Variants in TSHZ2 observed in about 807,000 individuals in gnomAD.
The protein encoded by TSHZ2 is teashirt homolog 2.
In TSHZ2, 21 loss-of-function variants were observed where a neutral mutation model predicts 74.4. The observed-to-expected ratio is 0.28, with a 90% CI of 0.20 to 0.41. The LOEUF (loss-of-function observed/expected upper bound fraction) is 0.41, where lower values mean the gene tolerates loss of function less well. TSHZ2 is among the 10% of genes least tolerant of loss of function. The pLI is 1.00. For missense variants in TSHZ2, 1,244 were observed against 1,293.5 expected (o/e 0.96, Z 0.59); for synonymous variants, 540 against 515.3 (o/e 1.05, Z -0.65).
chr20:53,134,357 A>G (rs1453641442), intron 1 of TSHZ2, among the ~76,000 whole-genome samples: 1 of 152,240 alleles, frequency 6.6e-6, no homozygotes, highest in African/African-American at 2.4e-5. Flanking sequence ...GTGTTGAGAT[A>G]TTGAAAGGTT....
At chr20:53,469,045 T>TTTTATA (rs1415631017) in intron 2 of TSHZ2, among the ~76,000 whole-genome samples, 47 of 49,126 alleles carry the variant, frequency 9.6e-4, no homozygotes, top group South Asian at 4.9e-3. Flanking sequence ...AATCGATATT[T>TTTTATA]TATATATATA....
At position 53,254,012 on chromosome 20, in the gene TSHZ2, C is replaced by G. The variant is rs535722679; in HGVS notation, c.554C>G (p.Ser185Cys). ...CTGCAGCAGAACTTGCCTTCTCGGT[C>G]CGTCTCGAAACCCAGCCTGTTCAGC... ...KSLQQNLPSRSVSKPSLFSSV... is the reference protein window; with the variant it reads ...KSLQQNLPSRCVSKPSLFSSV... Residue 185 changes from serine (S) to cysteine (C), a missense_variant, in exon 2 of 3, where the codon TCC (serine) becomes TGC (cysteine). Ser to Cys is a moderately radical substitution (Grantham distance 112). Coordinates refer to ENST00000371497, the MANE Select transcript of TSHZ2 (RefSeq NM_173485.6). 6.2e-7 allele frequency: 1 copy of G among 1,614,144 alleles called. No individual in the cohort carries two copies. Among genetic ancestry groups the G allele is most frequent in the Non-Finnish European group, 8.5e-7 (1 of 1,180,024 alleles).
At chr20:53,483,949 A>C (rs185435454) in intron 2 of TSHZ2, among the ~76,000 whole-genome samples, 236 of 152,344 alleles carry the variant, frequency 1.5e-3, no homozygotes, top group African/African-American at 5.3e-3. Context: ...ATGGTCAAAG[A>C]GGAGAAAATG....
chr20:53,381,251 T>C (rs985970173), intron 2 of TSHZ2, among the ~76,000 whole-genome samples: 3 of 152,242 alleles, frequency 2.0e-5, no homozygotes, highest in Non-Finnish European at 2.9e-5. Context: ...TCACTCACTT[T>C]AGCAGTTCTA....
At chr20:52,994,099 G>A (rs1291183494) in intron 1 of TSHZ2, among the ~76,000 whole-genome samples, 1 of 152,246 alleles carries the variant, frequency 6.6e-6, no homozygotes, top group Non-Finnish European at 1.5e-5. Context: ...ATGTGTATTT[G>A]AGAGTCTGCC....
chr20:53,000,096 A>G (rs1204764330), intron 1 of TSHZ2, among the ~76,000 whole-genome samples: 1 of 152,246 alleles, frequency 6.6e-6, no homozygotes, highest in Admixed American at 6.5e-5. Flanking sequence ...CATTATAGAC[A>G]TTTCAGAGAA....
At chr20:53,431,178 G>T (rs1346209503) in intron 2 of TSHZ2, among the ~76,000 whole-genome samples, 1 of 152,104 alleles carries the variant, frequency 6.6e-6, no homozygotes, top group East Asian at 1.9e-4. Context: ...AAGGCACTTA[G>T]GGCTGGGTGC....
chr20:53,370,006 T>C (rs1368990628), intron 2 of TSHZ2, among the ~76,000 whole-genome samples: 1 of 152,062 alleles, frequency 6.6e-6, no homozygotes, highest in Non-Finnish European at 1.5e-5. Flanking sequence ...ATCTGTGAAA[T>C]CCAGAAGTCT....
intron 1 of TSHZ2, among the ~76,000 whole-genome samples, chr20:53,138,583 C>G (rs1027023036): frequency 5.3e-5 from 8 of 152,094 alleles, no homozygotes; most frequent in African/African-American, 1.9e-4. Flanking sequence ...CCTCCACCCC[C>G]CAACCCCTGC....
intron 1 of TSHZ2, among the ~76,000 whole-genome samples, chr20:53,023,872 T>G (rs763531413): frequency 2.0e-5 from 3 of 152,214 alleles, no homozygotes; most frequent in Non-Finnish European, 4.4e-5. Flanking sequence ...GAGCAATCTT[T>G]GAGCAGTGTA....
chr20:53,161,028 T>C (rs967606960), intron 1 of TSHZ2, among the ~76,000 whole-genome samples: 6 of 116,902 alleles, frequency 5.1e-5, no homozygotes, highest in African/African-American at 2.4e-4. Flanking sequence ...AACAGCAAAA[T>C]GTTTGGGGTT....
At chr20:53,436,802 C>T (rs1025945439) in intron 2 of TSHZ2, among the ~76,000 whole-genome samples, 4 of 151,854 alleles carry the variant, frequency 2.6e-5, no homozygotes, top group Non-Finnish European at 5.9e-5. Context: ...CCACCTGCCT[C>T]GGCCTCCCAA....
chr20:53,423,962 C>T (rs1241161569), intron 2 of TSHZ2, among the ~76,000 whole-genome samples: 3 of 152,180 alleles, frequency 2.0e-5, no homozygotes, highest in Non-Finnish European at 4.4e-5. Flanking sequence ...AACACCCCGA[C>T]GACGCGCAGG....
At chr20:53,371,900 G>A (rs959888724) in intron 2 of TSHZ2, among the ~76,000 whole-genome samples, 8 of 148,708 alleles carry the variant, frequency 5.4e-5, no homozygotes, top group Non-Finnish European at 8.9e-5. Context: ...AAAAAAAAAA[G>A]AGTCAGCAGG....
intron 2 of TSHZ2, among the ~76,000 whole-genome samples, chr20:53,463,764 A>G (rs1985474490): frequency 6.6e-6 from 1 of 152,202 alleles, no homozygotes; most frequent in African/African-American, 2.4e-5. Context: ...AGTGGGGCCA[A>G]GTGACAGAAT....
At chr20:53,208,161 A>G (rs528407757) in intron 1 of TSHZ2, among the ~76,000 whole-genome samples, 30 of 152,254 alleles carry the variant, frequency 2.0e-4, no homozygotes, top group African/African-American at 7.0e-4. Flanking sequence ...CCTAAGACCA[A>G]TTTCTTTGGA....
chr20:53,185,647 TG>T (rs1988581504), intron 1 of TSHZ2: 1 of 1,535,886 alleles, frequency 6.5e-7, no homozygotes, highest in Admixed American at 2.0e-5. Flanking sequence ...AAAGAAAAGA[TG>T]ATGGCTGCTG....
chr20:53,484,825 G>A (rs1403432898), intron 2 of TSHZ2, among the ~76,000 whole-genome samples: 2 of 152,094 alleles, frequency 1.3e-5, no homozygotes, highest in African/African-American at 4.8e-5. Flanking sequence ...AGTTTCAAAT[G>A]TCTGTTATGA....
intron 1 of TSHZ2, among the ~76,000 whole-genome samples, chr20:53,223,790 C>T (rs752982229): frequency 2.0e-5 from 3 of 151,870 alleles, no homozygotes; most frequent in Non-Finnish European, 4.4e-5. Context: ...GTAGCTGTGG[C>T]CATAAAGAGT....
Sources: allele counts gnomAD v4.1 joint callset (sites outside exome capture counted in the v4.1 genomes callset), GRCh38; gene constraint gnomAD v4.1.1; transcripts MANE v1.5; gene names NCBI Gene and HGNC (gene_info 2026-07-23, HGNC 2026-07-21).